BAIAP2L1: variants seen among roughly 807,000 people sequenced by gnomAD.
The protein encoded by BAIAP2L1 is BAR/IMD domain containing adaptor protein 2 like 1, also known as BAR/IMD domain-containing adapter protein 2-like 1.
In BAIAP2L1, 35 loss-of-function variants were observed where a neutral mutation model predicts 66.3. The observed-to-expected ratio is 0.53, with a 90% CI of 0.40 to 0.70. The LOEUF is 0.70. Among genes scored for constraint, BAIAP2L1 ranks in the 30% least tolerant of loss-of-function variants. BAIAP2L1 has a pLI of 0.00. For missense variants in BAIAP2L1, 622 were observed against 656.9 expected (o/e 0.95, Z 0.58); for synonymous variants, 269 against 248.7 (o/e 1.08, Z -0.77).
intron 12 of BAIAP2L1, among the ~76,000 whole-genome samples, chr7:98,302,272 C>G (rs1423101222): frequency 2.6e-5 from 4 of 152,188 alleles, no homozygotes; most frequent in African/African-American, 7.2e-5. Context: ...CTGACAATGA[C>G]ACGTTTTCAT....
chr7:98,311,635 T>C lies in BAIAP2L1; in HGVS notation c.807+462A>G, dbSNP rs147596370. 1.8e-3 allele frequency among the ~76,000 whole-genome samples: 267 copies of C among 148,450 alleles called. 2 individuals carry two copies. The highest frequency in any genetic ancestry group is 6.1e-3 in the African/African-American group (247 of 40,414). ...TAGTATAAAACATGTGCCCAACTTA[T>C]GGTGGCTCATGCCTGTAATCCCAGC... On this transcript the variant is annotated intron_variant, in intron 8 of 13. Coordinates refer to ENST00000005260, the MANE Select transcript of BAIAP2L1 (RefSeq NM_018842.5).
At chr7:98,369,667 T>C (rs397889169) in intron 1 of BAIAP2L1, among the ~76,000 whole-genome samples, 45,289 of 121,080 alleles carry the variant, frequency 0.37, 9,474 homozygotes, top group Middle Eastern at 0.49. Context: ...TTCCTAATTT[T>C]TTTTTTTTTT....
chr7:98,315,616 A>C lies in BAIAP2L1; in HGVS notation c.487-4T>G, dbSNP rs1801046121. On this transcript the variant is annotated splice_region_variant and splice_polypyrimidine_tract_variant and intron_variant, in intron 6 of 13. Coordinates refer to ENST00000005260, the MANE Select transcript of BAIAP2L1 (RefSeq NM_018842.5). ...GAGAAGTAACGGTCTCCACATACTA[A>C]AAAAAAAAAAATAATAATAATAATA... 1.2e-6 allele frequency: 1 copy of C among 863,054 alleles called. No individual in the cohort carries two copies. The highest frequency in any genetic ancestry group is 1.6e-6 in the Non-Finnish European group (1 of 636,682). The allele number at this position is 863,054 out of a possible 1,614,324, so 53.5% of individuals were successfully genotyped here.
intron 3 of BAIAP2L1, among the ~76,000 whole-genome samples, chr7:98,338,154 G>T (rs916844279): frequency 6.6e-6 from 1 of 152,010 alleles, no homozygotes; most frequent in Non-Finnish European, 1.5e-5. Context: ...GCCGTTAGGC[G>T]GGGCATGGTG....
At chr7:98,327,944 T>C (rs1054818185) in intron 3 of BAIAP2L1, among the ~76,000 whole-genome samples, 1 of 151,920 alleles carries the variant, frequency 6.6e-6, no homozygotes, top group Non-Finnish European at 1.5e-5. Context: ...ACCTCAATTT[T>C]AGAAAATGAG....
intron 1 of BAIAP2L1, among the ~76,000 whole-genome samples, chr7:98,385,167 G>A (rs1384831511): frequency 6.6e-6 from 1 of 151,790 alleles, no homozygotes; most frequent in Non-Finnish European, 1.5e-5. Context: ...AATTAGCCAG[G>A]CATGGTGGCA....
intron 3 of BAIAP2L1, among the ~76,000 whole-genome samples, chr7:98,328,947 A>C (rs538144219): frequency 9.2e-5 from 14 of 152,304 alleles, no homozygotes; most frequent in African/African-American, 2.9e-4. Context: ...AAGGGAACAT[A>C]CCTGTAGAGT....
At chr7:98,305,732 A>G (rs1315208454) in intron 11 of BAIAP2L1, among the ~76,000 whole-genome samples, 1 of 152,138 alleles carries the variant, frequency 6.6e-6, no homozygotes, top group Non-Finnish European at 1.5e-5. Flanking sequence ...CAGTTTCCTC[A>G]TTTTTTAAAG....
intron 1 of BAIAP2L1, among the ~76,000 whole-genome samples, chr7:98,380,626 C>A (rs1017163857): frequency 6.6e-6 from 1 of 151,314 alleles, no homozygotes; most frequent in Non-Finnish European, 1.5e-5. Flanking sequence ...GGACACAGAG[C>A]CAAACCATAT....
At chr7:98,385,743 T>G (rs1328106710) in intron 1 of BAIAP2L1, 37 of 1,307,878 alleles carry the variant, frequency 2.8e-5, no homozygotes, top group East Asian at 1.6e-4. Context: ...TTTTGTTGTT[T>G]TTTTTTTCAC....
At chr7:98,364,986 C>CAAAAAAAAAAACAA (rs1802359469) in intron 1 of BAIAP2L1, among the ~76,000 whole-genome samples, 1 of 30,780 alleles carries the variant, frequency 3.2e-5, no homozygotes, top group Non-Finnish European at 5.4e-5. Context: ...GGATATGTCT[C>CAAAAAAAAAAACAA]AAAAAAAAAA....
At chr7:98,360,914 T>C (rs920259778) in intron 2 of BAIAP2L1, among the ~76,000 whole-genome samples, 12 of 152,128 alleles carry the variant, frequency 7.9e-5, no homozygotes, top group African/African-American at 2.7e-4. Context: ...CAGTATACTT[T>C]TCCAGCGACT....
In BAIAP2L1 at chr7:98,401,009, C is replaced by G; in HGVS notation, c.-157G>C. ...CCGAGAGTGCCCGCGCGCGTCTCCG[C>G]TGCGAAAATGTCAAAACTTGCGGCA... is the stretch of plus-strand genomic sequence containing the variant. On this transcript the variant is annotated 5_prime_UTR_variant, in exon 1 of 14. Coordinates refer to ENST00000005260, the MANE Select transcript of BAIAP2L1 (RefSeq NM_018842.5). 1.8e-6 allele frequency: 1 copy of G among 551,028 alleles called. No individual in the cohort carries two copies. The highest frequency in any genetic ancestry group is 2.8e-6 in the Non-Finnish European group (1 of 361,242). 34.1% of individuals were successfully genotyped at this position (551,028 alleles called of 1,614,324 possible).
intron 1 of BAIAP2L1, among the ~76,000 whole-genome samples, chr7:98,393,539 C>A (rs1803122828): frequency 6.6e-6 from 1 of 151,818 alleles, no homozygotes; most frequent in South Asian, 2.1e-4. Context: ...CCTCTGTCGC[C>A]CAGGCTGGAG....
rs766843772 is a variant in BAIAP2L1 at position 98,304,250 on chromosome 7, G to A, written c.1368C>T (p.Ala456=). The change falls in exon 12 of 14, where the codon GCC becomes GCT. Residue 456 remains alanine (A), a synonymous_variant. Transcript: ENST00000005260. The part of the protein sequence containing the change: ...GAAADRRADS[A]RTTSTFKAPA... ...GGGCCTTAAAGGTGGATGTCGTCCT[G>A]GCCGAATCTGCTCTCCTGTCGGCAG... The A allele has an allele frequency of 4.3e-6, 7 of 1,613,506 alleles. No individual in the cohort carries two copies. The highest frequency in any genetic ancestry group is 5.9e-6 in the Non-Finnish European group (7 of 1,179,736).
intron 2 of BAIAP2L1, among the ~76,000 whole-genome samples, chr7:98,361,830 G>T (rs1227409603): frequency 6.6e-6 from 1 of 152,032 alleles, no homozygotes; most frequent in African/African-American, 2.4e-5. Context: ...CAGCCTCCCA[G>T]GCACAAGCGA....
chr7:98,350,475 G>A (rs924263049), intron 3 of BAIAP2L1, among the ~76,000 whole-genome samples: 1 of 152,082 alleles, frequency 6.6e-6, no homozygotes, highest in African/African-American at 2.4e-5. Context: ...GGCAAACATG[G>A]TGAAACAATA....
chr7:98,312,413 C>T (rs773843329), intron 7 of BAIAP2L1, 149 bp from the exon 8 acceptor site: 2 of 811,158 alleles, frequency 2.5e-6, no homozygotes, highest in African/African-American at 3.5e-5. Flanking sequence ...GCACTTTAAG[C>T]ACCTAGAGGA....
At chr7:98,378,259 AATG>A (rs1276219906) in intron 1 of BAIAP2L1, among the ~76,000 whole-genome samples, 1 of 152,146 alleles carries the variant, frequency 6.6e-6, no homozygotes, top group Non-Finnish European at 1.5e-5. Context: ...TGGGGAGAGA[AATG>A]ATGAAAGGTA....
Sources: allele counts gnomAD v4.1 joint callset (sites outside exome capture counted in the v4.1 genomes callset), GRCh38; gene constraint gnomAD v4.1.1; transcripts MANE v1.5; gene names NCBI Gene and HGNC (gene_info 2026-07-23, HGNC 2026-07-21).